The following LRRC69 variants were observed in gnomAD, a reference collection of about 807,000 sequenced individuals.
The protein encoded by LRRC69 is leucine rich repeat containing 69, also known as leucine-rich repeat-containing protein 69.
Under a neutral mutation model 37.8 loss-of-function variants are expected in LRRC69, and 42 were observed. The ratio of observed to expected loss-of-function variants is 1.11; its 90% confidence interval spans 0.87 to 1.44. The LOEUF is 1.44. LRRC69 is among the 40% of genes most tolerant of loss of function. The pLI is 0.00. For synonymous variants in LRRC69, 141 were observed against 143.1 expected (o/e 0.99, Z 0.11); for missense variants, 357 against 401.9 (o/e 0.89, Z 0.96).
At chr8:91,148,519 C>T (rs71504350) in intron 5 of LRRC69, among the ~76,000 whole-genome samples, 7,945 of 151,688 alleles carry the variant, frequency 0.052, 293 homozygotes, top group Middle Eastern at 0.16. Context: ...TCTTTGCTAT[C>T]GTGAATAGTG....
At chr8:91,181,945 A>G in intron 5 of LRRC69, among the ~76,000 whole-genome samples, 1 of 152,178 alleles carries the variant, frequency 6.6e-6, no homozygotes, top group South Asian at 2.1e-4. Context: ...CTCACCTAAG[A>G]GGGAACAATG....
intron 5 of LRRC69, among the ~76,000 whole-genome samples, chr8:91,169,675 A>T (rs7003259): frequency 1.0e-5 from 1 of 98,396 alleles, no homozygotes; most frequent in Non-Finnish European, 1.9e-5. Flanking sequence ...CTCCCCCCCT[A>T]CCCCCACCCC....
chr8:91,193,440 G>T (rs1478476943), intron 6 of LRRC69, among the ~76,000 whole-genome samples: 2 of 139,578 alleles, frequency 1.4e-5, no homozygotes, highest in Non-Finnish European at 3.1e-5. Context: ...ACCTTGGGTA[G>T]TATGGCCATT....
At chr8:91,153,577 A>G (rs1022243390) in intron 5 of LRRC69, among the ~76,000 whole-genome samples, 3 of 152,082 alleles carry the variant, frequency 2.0e-5, no homozygotes, top group Non-Finnish European at 2.9e-5. Flanking sequence ...AAACCACACA[A>G]CTACATGGAA....
intron 7 of LRRC69, chr8:91,206,652 A>G (rs912944405): frequency 3.1e-6 from 4 of 1,286,554 alleles, no homozygotes; most frequent in East Asian, 1.1e-4. Context: ...TCTCAAAACC[A>G]TCTGATGTGC....
intron 5 of LRRC69, among the ~76,000 whole-genome samples, chr8:91,156,348 C>G (rs956784021): frequency 6.6e-6 from 1 of 150,886 alleles, no homozygotes; most frequent in Non-Finnish European, 1.5e-5. Flanking sequence ...TTTTCAGATA[C>G]TTGTTGGCCA....
At chr8:91,216,632 A>G (rs901221377) in intron 7 of LRRC69, among the ~76,000 whole-genome samples, 2 of 152,164 alleles carry the variant, frequency 1.3e-5, no homozygotes, top group Non-Finnish European at 2.9e-5. Context: ...ACGGTTGTCT[A>G]GTATATGGAA....
chr8:91,184,513 G>T (rs1809373704), intron 5 of LRRC69, among the ~76,000 whole-genome samples: 1 of 152,180 alleles, frequency 6.6e-6, no homozygotes, highest in Non-Finnish European at 1.5e-5. Context: ...CAGGCTAAAA[G>T]AATGTATCCT....
chr8:91,180,137 T>C (rs1418724465), intron 5 of LRRC69, among the ~76,000 whole-genome samples: 1 of 152,220 alleles, frequency 6.6e-6, no homozygotes, highest in Non-Finnish European at 1.5e-5. Context: ...GCTTAAAGCA[T>C]CAGAGATTTG....
At chr8:91,150,022 A>T (rs369603784) in intron 5 of LRRC69, among the ~76,000 whole-genome samples, 3 of 152,008 alleles carry the variant, frequency 2.0e-5, no homozygotes, top group Non-Finnish European at 2.9e-5. Flanking sequence ...TAATCATGTC[A>T]TCTGCAAACA....
Position 91,122,175 on chromosome 8 carries a change from G to A in LRRC69, c.184-2318G>A, listed in dbSNP as rs540110467. Among the ~76,000 whole-genome samples the A allele has an allele frequency of 1.2e-3, 181 of 152,054 alleles. 2 individuals carry two copies. Among genetic ancestry groups the A allele is most frequent in the Middle Eastern group, 0.01 (3 of 294 alleles). On this transcript the variant is annotated intron_variant, in intron 1 of 7. Transcript: ENST00000448384. ...TTGATAGTGTGGGACATTACAAGCT[G>A]TTTCTTGTTTACTTTAAAAATACAT...
chr8:91,192,755 T>C (rs7462355), intron 6 of LRRC69, among the ~76,000 whole-genome samples: 102,561 of 150,038 alleles, frequency 0.68, 35,615 homozygotes, highest in African/African-American at 0.76. Context: ...AGCCCTTTGT[T>C]AGATGAGTAG....
chr8:91,141,196 G>A (rs1026191712), intron 5 of LRRC69, among the ~76,000 whole-genome samples: 2 of 152,078 alleles, frequency 1.3e-5, no homozygotes, highest in Non-Finnish European at 2.9e-5. Context: ...CGGTTGTTCA[G>A]TTAGTGCAGG....
chr8:91,115,801 A>T (rs183484030), intron 1 of LRRC69, among the ~76,000 whole-genome samples: 1 of 151,898 alleles, frequency 6.6e-6, no homozygotes, highest in African/African-American at 2.4e-5. Context: ...GTGAGTTCTG[A>T]GGGTGAAACA....
chr8:91,133,093 TG>T lies in LRRC69; in HGVS notation c.384-16del, dbSNP rs769562795. ...TGTGAGTTTCATTCATATACTTTGG[TG>T]TTTTTTTTTTTTTAGATTAAAAAGT... On this transcript the variant is annotated splice_polypyrimidine_tract_variant and intron_variant, in intron 3 of 7. Coordinates refer to ENST00000448384, the Ensembl canonical transcript of LRRC69. The T allele has an allele frequency of 3.9e-4, 478 of 1,240,222 alleles. 1 individual carries two copies. In the African/African-American group the frequency reaches 6.5e-3, roughly 17 times the overall value. 76.8% of individuals were successfully genotyped at this position (1,240,222 alleles called of 1,614,324 possible). A position where few individuals can be genotyped will look rare whatever the true frequency, so the allele number is the denominator to read the frequency against.
chr8:91,160,181 A>G (rs1311613436), intron 5 of LRRC69, among the ~76,000 whole-genome samples: 1 of 139,986 alleles, frequency 7.1e-6, no homozygotes, highest in Non-Finnish European at 1.7e-5. Flanking sequence ...TTGATGAATT[A>G]TTTATTACTG....
At position 91,145,307 on chromosome 8, in the gene LRRC69, A is replaced by G. The variant is rs1808598695; in HGVS notation, c.651+9568A>G. Among the ~76,000 whole-genome samples the G allele has an allele frequency of 2.6e-5, 4 of 151,922 alleles. 1 individual carries two copies. The highest frequency in any genetic ancestry group is 6.6e-5 in the Admixed American group (1 of 15,208). On this transcript the variant is annotated intron_variant, in intron 5 of 7. Transcript: ENST00000448384. ...GAACATCCCTGAATATCTCCACAATATAGTGATTTCCTTGGAACTATCCAC... is the reference window on the plus strand; with the variant it reads ...GAACATCCCTGAATATCTCCACAATGTAGTGATTTCCTTGGAACTATCCAC...
chr8:91,118,490 A>G (rs992104740), intron 1 of LRRC69: 40 of 293,458 alleles, frequency 1.4e-4, no homozygotes, highest in African/African-American at 6.9e-4. Flanking sequence ...GATCATGCCA[A>G]TGCACGCCAG....
At chr8:91,123,527 A>G (rs1025537124) in intron 1 of LRRC69, among the ~76,000 whole-genome samples, 3 of 152,026 alleles carry the variant, frequency 2.0e-5, no homozygotes, top group Non-Finnish European at 2.9e-5. Context: ...TTACATCCAT[A>G]ACAAGTACTA....
Sources: allele counts gnomAD v4.1 joint callset (sites outside exome capture counted in the v4.1 genomes callset), GRCh38; gene constraint gnomAD v4.1.1; transcripts MANE v1.5; gene names NCBI Gene and HGNC (gene_info 2026-07-23, HGNC 2026-07-21).